The following PRKCH variants were observed in gnomAD, a reference collection of about 807,000 sequenced individuals.
PRKCH encodes protein kinase C eta type.
Under a neutral mutation model 82.5 loss-of-function variants are expected in PRKCH, and 28 were observed. The ratio of observed to expected loss-of-function variants is 0.34; its 90% CI spans 0.25 to 0.47. The LOEUF (loss-of-function observed/expected upper bound fraction) is 0.47, where lower values mean the gene tolerates loss of function less well. PRKCH is among the 20% of genes least tolerant of loss of function. The probability of loss-of-function intolerance (pLI) is 1.00; values close to 1 mark genes in which losing one functional copy is unlikely to be tolerated. For missense variants in PRKCH, 705 were observed against 881.8 expected, an observed-to-expected ratio of 0.80 and a Z score of 2.54; for synonymous variants, 322 against 327.4, an observed-to-expected ratio of 0.98 and a Z score of 0.18.
intron 1 of PRKCH, among the ~76,000 whole-genome samples, chr14:61,300,446 GCA>G (rs1295198253): frequency 2.0e-5 from 3 of 152,174 alleles, no homozygotes; most frequent in Non-Finnish European, 4.4e-5. Flanking sequence ...TGAGATAAAA[GCA>G]CAGTCTTATG....
chr14:61,536,707 C>T (rs1179840777), intron 12 of PRKCH, among the ~76,000 whole-genome samples: 3 of 152,112 alleles, frequency 2.0e-5, no homozygotes, highest in Non-Finnish European at 4.4e-5. Context: ...GTGATGTCAG[C>T]GAGGGCCTAC....
At chr14:61,217,401 G>T (rs1258293824) in intron 1 of PRKCH, among the ~76,000 whole-genome samples, 5 of 152,110 alleles carry the variant, frequency 3.3e-5, no homozygotes, top group African/African-American at 1.2e-4. Flanking sequence ...GACGGAGCAA[G>T]ACCCTGTCTC....
intron 9 of PRKCH, chr14:61,477,029 C>T (rs906059803): frequency 3.3e-5 from 5 of 152,328 alleles, no homozygotes; most frequent in Non-Finnish European, 7.3e-5. Flanking sequence ...ACGTCAGTAA[C>T]TGTTTCCTGT....
chr14:61,412,374 G>A (rs1259455121), intron 2 of PRKCH, among the ~76,000 whole-genome samples: 1 of 152,122 alleles, frequency 6.6e-6, no homozygotes, highest in African/African-American at 2.4e-5. Flanking sequence ...ACCCCAATTG[G>A]ATTTGAAACA....
chr14:61,497,534 G>C (rs1257587916), intron 10 of PRKCH, among the ~76,000 whole-genome samples: 1 of 152,058 alleles, frequency 6.6e-6, no homozygotes, highest in East Asian at 1.9e-4. Flanking sequence ...GTGCACAATT[G>C]GATAAATTTT....
chr14:61,249,404 T>A (rs149355339), intron 1 of PRKCH, among the ~76,000 whole-genome samples: 1 of 152,148 alleles, frequency 6.6e-6, no homozygotes, highest in Middle Eastern at 3.4e-3. Flanking sequence ...GGTGTCTGTT[T>A]TGTACACACT....
intron 7 of PRKCH, 199 bp from the exon 8 acceptor site, chr14:61,456,977 C>A: frequency 1.8e-6 from 1 of 565,040 alleles, no homozygotes; most frequent in Non-Finnish European, 3.1e-6. Context: ...ACCTTTTACA[C>A]AAAGCAGTAA....
intron 10 of PRKCH, among the ~76,000 whole-genome samples, chr14:61,517,398 G>T (rs1394351617): frequency 6.6e-6 from 1 of 152,252 alleles, no homozygotes; most frequent in South Asian, 2.1e-4. Context: ...ACTAGCTTCA[G>T]TGCTGATAGG....
At chr14:61,452,947 G>C (rs1884580993) in intron 6 of PRKCH, 1 of 434,170 alleles carries the variant, frequency 2.3e-6, no homozygotes. Context: ...CCTGTTACAT[G>C]TGATTTAGAT....
rs148505067 is a variant in PRKCH at position 61,331,912 on chromosome 14, T to C, written c.363+9448T>C. 3.4e-3 allele frequency among the ~76,000 whole-genome samples: 518 copies of C among 152,354 alleles called. 1 individual carries two copies. The highest frequency in any genetic ancestry group is 0.011 in the African/African-American group (473 of 41,578). ...GGATTTAGCTCCCATCTAAGTGACT[T>C]GTATAGCATCGCTAGTGATGTTGGT... On this transcript the variant is annotated intron_variant, in intron 1 of 13. Transcript: ENST00000332981.
intron 2 of PRKCH, among the ~76,000 whole-genome samples, chr14:61,420,171 G>T (rs1566871806): frequency 6.6e-6 from 1 of 152,150 alleles, no homozygotes; most frequent in Non-Finnish European, 1.5e-5. Flanking sequence ...TGGGTCATGT[G>T]TGCCTCTGTA....
chr14:61,197,796 G>A (rs2044451316), intron 1 of PRKCH, among the ~76,000 whole-genome samples: 1 of 152,168 alleles, frequency 6.6e-6, no homozygotes, highest in South Asian at 2.1e-4. Context: ...ATGCACACTT[G>A]CTTGAAAAGG....
At chr14:61,207,214 GCTT>G (rs1260312225) in intron 1 of PRKCH, among the ~76,000 whole-genome samples, 8 of 133,174 alleles carry the variant, frequency 6.0e-5, no homozygotes, top group African/African-American at 2.2e-4. Context: ...TAGAAAGGAT[GCTT>G]ATATGGCAGG....
intron 10 of PRKCH, among the ~76,000 whole-genome samples, chr14:61,518,979 A>C (rs2042865403): frequency 6.6e-6 from 1 of 152,030 alleles, no homozygotes; most frequent in Non-Finnish European, 1.5e-5. Flanking sequence ...TACCTGGCTA[A>C]GTTTTTTAAA....
At chr14:61,216,810 T>A (rs530724315) in intron 1 of PRKCH, among the ~76,000 whole-genome samples, 12 of 152,296 alleles carry the variant, frequency 7.9e-5, no homozygotes, top group South Asian at 6.2e-4. Context: ...AGGTAATTTT[T>A]AAAAAATTAT....
chr14:61,327,778 G>A (rs1255635814), intron 1 of PRKCH, among the ~76,000 whole-genome samples: 1 of 152,178 alleles, frequency 6.6e-6, no homozygotes, highest in African/African-American at 2.4e-5. Context: ...CTCATATGTA[G>A]TAAACATTAA....
chr14:61,266,292 C>T (rs190894516), intron 1 of PRKCH, among the ~76,000 whole-genome samples: 4 of 151,532 alleles, frequency 2.6e-5, no homozygotes, highest in African/African-American at 9.7e-5. Flanking sequence ...ATGGCATGCA[C>T]CTGTAATTCC....
chr14:61,262,457 T>C (rs2045057878), intron 1 of PRKCH, among the ~76,000 whole-genome samples: 1 of 152,132 alleles, frequency 6.6e-6, no homozygotes, highest in Non-Finnish European at 1.5e-5. Context: ...GTATGATTCA[T>C]TTATATGAAG....
At chr14:61,517,248 T>G (rs895438707) in intron 10 of PRKCH, among the ~76,000 whole-genome samples, 5 of 152,230 alleles carry the variant, frequency 3.3e-5, no homozygotes, top group African/African-American at 1.2e-4. Context: ...ACCTCCCTTT[T>G]CACACTTTAT....
Sources: gnomAD v4.1 joint callset for allele counts (sites outside exome capture counted in the v4.1 genomes callset) on GRCh38, gnomAD v4.1.1 for gene constraint, MANE v1.5 for transcripts, NCBI Gene and HGNC (gene_info 2026-07-23, HGNC 2026-07-21) for gene names.